Variants in DOCK4 observed in about 807,000 individuals in gnomAD.
DOCK4 encodes dedicator of cytokinesis protein 4.
DOCK4 carries 97 observed loss-of-function variants against 268.1 expected under a neutral mutation model. That is an observed-to-expected ratio of 0.36 (90% CI 0.31 to 0.43). DOCK4 has a LOEUF of 0.43. Ranked by LOEUF, DOCK4 falls within the 20% of genes least tolerant of loss-of-function variation. The pLI is 1.00. For synonymous variants in DOCK4, 954 were observed against 887.2 expected, an observed-to-expected ratio of 1.08 and a Z score of -1.34; for missense variants, 2,145 against 2,455.7, an observed-to-expected ratio of 0.87 and a Z score of 2.67.
At chr7:111,878,197 A>T (rs1354079095) in intron 16 of DOCK4, among the ~76,000 whole-genome samples, 1 of 152,234 alleles carries the variant, frequency 6.6e-6, no homozygotes, top group African/African-American at 2.4e-5. Flanking sequence ...ATTGTTCTAG[A>T]TTAAACAACA....
At chr7:112,159,819 CATA>C (rs895001119) in intron 1 of DOCK4, among the ~76,000 whole-genome samples, 28 of 148,506 alleles carry the variant, frequency 1.9e-4, no homozygotes, top group African/African-American at 6.1e-4. Flanking sequence ...TATAATAATA[CATA>C]ATATTATGTA....
At chr7:111,840,002 T>C (rs1180160643) in intron 25 of DOCK4, among the ~76,000 whole-genome samples, 1 of 152,150 alleles carries the variant, frequency 6.6e-6, no homozygotes, top group Non-Finnish European at 1.5e-5. Context: ...TCATAATTTA[T>C]TAAAAAGAAA....
At chr7:112,108,511 ACTT>A (rs1159877183) in intron 1 of DOCK4, among the ~76,000 whole-genome samples, 1 of 152,230 alleles carries the variant, frequency 6.6e-6, no homozygotes, top group Admixed American at 6.5e-5. Flanking sequence ...TAATTACACT[ACTT>A]CTTATTAGAC....
intron 25 of DOCK4, among the ~76,000 whole-genome samples, chr7:111,836,032 T>C (rs924536688): frequency 6.6e-6 from 1 of 152,128 alleles, no homozygotes; most frequent in African/African-American, 2.4e-5. Context: ...TTAATGAACA[T>C]GGGAATCCTT....
intron 1 of DOCK4, among the ~76,000 whole-genome samples, chr7:112,146,650 T>C (rs2116340395): frequency 6.6e-6 from 1 of 152,290 alleles, no homozygotes; most frequent in South Asian, 2.1e-4. Flanking sequence ...GAGGATCACC[T>C]GAGTCTGGGG....
At chr7:112,176,892 T>G (rs1374432231) in intron 1 of DOCK4, among the ~76,000 whole-genome samples, 2 of 152,236 alleles carry the variant, frequency 1.3e-5, no homozygotes, top group Non-Finnish European at 2.9e-5. Flanking sequence ...ATTGCACAGA[T>G]GTTGATCATC....
intron 7 of DOCK4, among the ~76,000 whole-genome samples, chr7:111,983,962 T>A (rs890428776): frequency 1.3e-5 from 2 of 152,014 alleles, no homozygotes; most frequent in African/African-American, 4.8e-5. Flanking sequence ...ACCCATTAGT[T>A]ACAGCATGGT....
chr7:111,911,866 T>A (rs907388205), intron 13 of DOCK4, among the ~76,000 whole-genome samples: 4 of 152,224 alleles, frequency 2.6e-5, no homozygotes, highest in Non-Finnish European at 5.9e-5. Context: ...GGGATGAATT[T>A]TTTTTGTTGT....
intron 1 of DOCK4, among the ~76,000 whole-genome samples, chr7:112,172,149 A>G (rs1341378850): frequency 6.6e-6 from 1 of 152,238 alleles, no homozygotes; most frequent in African/African-American, 2.4e-5. Context: ...AATTCAGTCC[A>G]TAACAATGCC....
intron 1 of DOCK4, among the ~76,000 whole-genome samples, chr7:112,126,483 C>T (rs894791890): frequency 1.3e-5 from 2 of 152,192 alleles, no homozygotes; most frequent in South Asian, 4.1e-4. Flanking sequence ...CATTGAATGT[C>T]TGCTAATGAA....
chr7:111,854,417 T>C (rs1804835729), intron 23 of DOCK4, among the ~76,000 whole-genome samples: 1 of 152,232 alleles, frequency 6.6e-6, no homozygotes, highest in African/African-American at 2.4e-5. Flanking sequence ...CTTAGAGTTG[T>C]AACCCTCAAG....
At chr7:111,767,233 T>A (rs943629779) in intron 37 of DOCK4, 115 bp from the exon 38 acceptor site, 8 of 803,832 alleles carry the variant, frequency 1.0e-5, no homozygotes, top group Non-Finnish European at 1.5e-5. Context: ...TAATCTTTTT[T>A]TTTTTTTTTT....
chr7:111,902,878 T>C (rs1791257780), intron 13 of DOCK4, among the ~76,000 whole-genome samples: 1 of 152,108 alleles, frequency 6.6e-6, no homozygotes, highest in African/African-American at 2.4e-5. Context: ...CCCACCATTC[T>C]CCTGCCTCAG....
At chr7:111,919,107 AAAAAAACAAAAACAAAAC>A (rs144094604) in intron 12 of DOCK4, among the ~76,000 whole-genome samples, 5,951 of 152,198 alleles carry the variant, frequency 0.039, 351 homozygotes, top group East Asian at 0.29. Flanking sequence ...AGCGACTTTA[AAAAAAACAAAAACAAAAC>A]AAAAAACAAA....
rs544766498 is a variant in DOCK4, at chr7:112,167,169, G to A, written c.37+38933C>T. Among the ~76,000 whole-genome samples, 33 of 152,210 alleles carry A rather than the reference G, an allele frequency of 2.2e-4. No homozygotes were observed. In the South Asian group the frequency reaches 5.6e-3, roughly 26 times the overall value. The stretch of plus-strand genomic sequence containing the variant: ...TCTCAATTAAGAGATGCTATTCTTC[G>A]GGGAACAAAACTAATAACACTGATC... On this transcript the variant is annotated intron_variant, in intron 1 of 52. Transcript: ENST00000428084.
At chr7:111,995,167 G>T (rs1382930663) in intron 4 of DOCK4, among the ~76,000 whole-genome samples, 3 of 151,844 alleles carry the variant, frequency 2.0e-5, no homozygotes, top group Non-Finnish European at 4.4e-5. Flanking sequence ...GAGTAGCTGG[G>T]ACTACAGGTG....
At chr7:111,752,390 T>C (rs978883022) in intron 42 of DOCK4, among the ~76,000 whole-genome samples, 1 of 152,108 alleles carries the variant, frequency 6.6e-6, no homozygotes, top group Non-Finnish European at 1.5e-5. Flanking sequence ...GGTGGCGCTA[T>C]CGGTGGGGGC....
At chr7:111,991,813 T>G (rs1205909631) in intron 5 of DOCK4, among the ~76,000 whole-genome samples, 1 of 151,624 alleles carries the variant, frequency 6.6e-6, no homozygotes, top group African/African-American at 2.4e-5. Flanking sequence ...TACAAAAAAA[T>G]TAGCCAGGCG....
intron 23 of DOCK4, among the ~76,000 whole-genome samples, chr7:111,857,300 A>T (rs984175044): frequency 6.6e-6 from 1 of 152,142 alleles, no homozygotes; most frequent in Non-Finnish European, 1.5e-5. Flanking sequence ...TCTTTCCATT[A>T]ATTTTTTATT....
Sources: gnomAD v4.1 joint callset for allele counts (sites outside exome capture counted in the v4.1 genomes callset) on GRCh38, gnomAD v4.1.1 for gene constraint, MANE v1.5 for transcripts, NCBI Gene and HGNC (gene_info 2026-07-23, HGNC 2026-07-21) for gene names.